DNAJC1: variants seen among roughly 807,000 people sequenced by gnomAD.
The protein encoded by DNAJC1 is DnaJ heat shock protein family (Hsp40) member C1.
A neutral mutation model predicts 76.6 loss-of-function variants in DNAJC1; 58 were observed. The ratio of observed to expected loss-of-function variants is 0.76; its 90% CI spans 0.61 to 0.94. The LOEUF (loss-of-function observed/expected upper bound fraction) is 0.94, where lower values mean the gene tolerates loss of function less well. Ranked by LOEUF, DNAJC1 falls within the 40% of genes least tolerant of loss-of-function variation. The pLI is 0.00. For missense variants in DNAJC1, 689 were observed against 677.3 expected (o/e 1.02, Z -0.19); for synonymous variants, 258 against 267.9 (o/e 0.96, Z 0.36).
At chr10:21,803,772 TG>T (rs1431925588) in intron 9 of DNAJC1, 1 of 901,280 alleles carries the variant, frequency 1.1e-6, no homozygotes, top group African/African-American at 1.8e-5. Context: ...AAAGTTATAA[TG>T]GCATTTTTTT....
At position 21,910,829 on chromosome 10, in the gene DNAJC1, A is replaced by AAGGAAAGGAGAGGAGAGGAGAGGAC. The variant is rs55739305; in HGVS notation, c.730-6218_730-6217insGTCCTCTCCTCTCCTCTCCTTTCCT. On this transcript the variant is annotated intron_variant, in intron 6 of 11. Coordinates refer to ENST00000376980, the MANE Select transcript of DNAJC1 (RefSeq NM_022365.4). The stretch of plus-strand genomic sequence containing the variant: ...AACAAGAAAAGAAAGGAAAGAAAGG[A>AAGGAAAGGAGAGGAGAGGAGAGGAC]AGGAGAGGAGAGGAGAGGAGAGGAG... Among the ~76,000 whole-genome samples the AAGGAAAGGAGAGGAGAGGAGAGGAC allele has an allele frequency of 4.9e-4, 24 of 48,926 alleles. 1 individual carries two copies. The highest frequency in any genetic ancestry group is 7.9e-3 in the Middle Eastern group (1 of 126). 32.1% of individuals were successfully genotyped at this position (48,926 alleles called of 152,430 possible).
intron 1 of DNAJC1, among the ~76,000 whole-genome samples, chr10:21,939,455 A>C (rs1415281911): frequency 6.6e-6 from 1 of 152,230 alleles, no homozygotes; most frequent in Non-Finnish European, 1.5e-5. Context: ...GACTGCATAT[A>C]TGATAGTGGT....
chr10:21,911,887 A>G (rs542566701), intron 6 of DNAJC1, among the ~76,000 whole-genome samples: 2 of 152,214 alleles, frequency 1.3e-5, no homozygotes, highest in African/African-American at 4.8e-5. Context: ...TAGGCTTTGT[A>G]TTAGATTATT....
rs114965620 is a variant in DNAJC1 at position 21,870,747 on chromosome 10, C to T, written c.978+11535G>A. 5.0e-3 allele frequency among the ~76,000 whole-genome samples: 754 copies of T among 151,996 alleles called. 19 individuals are homozygous for T. The highest frequency in any genetic ancestry group is 0.017 in the African/African-American group (708 of 41,400). ...CTATGGTGGCGCCACAGCACTCCAG[C>T]GTTGGCAACAGAGCGAGACCTCATA... On this transcript the variant is annotated intron_variant, in intron 8 of 11. Coordinates refer to ENST00000376980, the MANE Select transcript of DNAJC1 (RefSeq NM_022365.4).
intron 1 of DNAJC1, among the ~76,000 whole-genome samples, chr10:21,950,333 C>T (rs2131806714): frequency 6.6e-6 from 1 of 152,038 alleles, no homozygotes; most frequent in East Asian, 1.9e-4. Context: ...TTGATATTAC[C>T]ATTGTAATTA....
At chr10:21,882,460 C>A (rs896849191) in intron 7 of DNAJC1, 21 bp from the exon 8 acceptor site, 1 of 1,404,816 alleles carries the variant, frequency 7.1e-7, no homozygotes, top group East Asian at 2.6e-5. Context: ...TTTAAAAGAA[C>A]CAATTATTGA....
intron 9 of DNAJC1, among the ~76,000 whole-genome samples, chr10:21,794,032 T>C (rs1662238302): frequency 6.6e-6 from 1 of 152,118 alleles, no homozygotes; most frequent in African/African-American, 2.4e-5. Context: ...CCCAACACTT[T>C]GGGAGGCTGA....
At chr10:21,862,278 T>C (rs972283968) in intron 8 of DNAJC1, among the ~76,000 whole-genome samples, 2 of 152,054 alleles carry the variant, frequency 1.3e-5, no homozygotes, top group Admixed American at 6.6e-5. Context: ...GAATTCTTTG[T>C]TGTGTGAGAT....
intron 8 of DNAJC1, among the ~76,000 whole-genome samples, chr10:21,844,853 G>A (rs1159723597): frequency 6.6e-6 from 1 of 152,148 alleles, no homozygotes; most frequent in Non-Finnish European, 1.5e-5. Flanking sequence ...GGCAACATAA[G>A]AGACCCTGTC....
At position 21,914,358 on chromosome 10, in the gene DNAJC1, A is replaced by C. The variant is rs188973323; in HGVS notation, c.729+4421T>G. 6.6e-5 allele frequency among the ~76,000 whole-genome samples: 10 copies of C among 152,308 alleles called. No individual in the cohort carries two copies. The East Asian group carries it at 1.9e-3, about 29-fold the overall frequency. ...GGAGGTAATAAGGACCTTTACAAAG[A>C]AGCAAGGGGAACTATCAAAGAGATA... On this transcript the variant is annotated intron_variant, in intron 6 of 11. Transcript: ENST00000376980.
intron 9 of DNAJC1, among the ~76,000 whole-genome samples, chr10:21,773,173 T>C (rs188955524): frequency 1.3e-5 from 2 of 152,310 alleles, no homozygotes; most frequent in Admixed American, 1.3e-4. Flanking sequence ...CTTTTTTCTG[T>C]GTGCTTTAGG....
chr10:21,785,723 G>A (rs1834597028), intron 9 of DNAJC1: 1 of 152,264 alleles, frequency 6.6e-6, no homozygotes, highest in Non-Finnish European at 1.5e-5. Context: ...GTACTCTGTT[G>A]AACACAGGAA....
chr10:21,835,343 A>G (rs943579030), intron 8 of DNAJC1, among the ~76,000 whole-genome samples: 2 of 152,218 alleles, frequency 1.3e-5, no homozygotes, highest in Admixed American at 1.3e-4. Context: ...CCATCATGAA[A>G]GACCAAAGGT....
At chr10:21,914,008 A>C (rs1026571457) in intron 6 of DNAJC1, among the ~76,000 whole-genome samples, 1 of 152,080 alleles carries the variant, frequency 6.6e-6, no homozygotes, top group African/African-American at 2.4e-5. Flanking sequence ...TCATCTCTCT[A>C]AACACACACA....
chr10:21,960,539 T>G (rs1473223411), intron 1 of DNAJC1, among the ~76,000 whole-genome samples: 1 of 152,030 alleles, frequency 6.6e-6, no homozygotes, highest in South Asian at 2.1e-4. Flanking sequence ...TAGTGAGACC[T>G]TGTCCCGACA....
At chr10:21,897,446 A>G (rs1836561749) in intron 7 of DNAJC1, among the ~76,000 whole-genome samples, 1 of 152,194 alleles carries the variant, frequency 6.6e-6, no homozygotes, top group Non-Finnish European at 1.5e-5. Context: ...GGGAAACTTT[A>G]TTAACTTCAT....
In DNAJC1 at chr10:21,882,321, A is replaced by G; in HGVS notation, c.939T>C (p.Asp313=). Residue 313 remains aspartate (D), a synonymous_variant, in exon 8 of 12, where the codon GAT becomes GAC. Transcript: ENST00000376980. Reference sequence around the variant, plus strand: ...TTCGGTTCCTGTTTTCCAACCAATCATCCATTTGTTCCTCAATTTCTTCTA... The same window carrying G: ...TTCGGTTCCTGTTTTCCAACCAATCGTCCATTTGTTCCTCAATTTCTTCTA... The part of the protein sequence containing the change: ...TSIEEIEEQM[D]DWLENRNRTQ... The G allele has an allele frequency of 6.2e-7, 1 of 1,601,054 alleles. No homozygotes were observed. Among genetic ancestry groups the G allele is most frequent in the South Asian group, 1.1e-5 (1 of 87,320 alleles).
intron 1 of DNAJC1, among the ~76,000 whole-genome samples, chr10:21,981,227 T>G (rs1242777047): frequency 6.6e-6 from 1 of 152,316 alleles, no homozygotes; most frequent in African/African-American, 2.4e-5. Context: ...GAATTACATT[T>G]TTCCCTGATT....
intron 8 of DNAJC1, among the ~76,000 whole-genome samples, chr10:21,866,215 A>T (rs1201255293): frequency 6.6e-6 from 1 of 151,688 alleles, no homozygotes; most frequent in Non-Finnish European, 1.5e-5. Context: ...AATATGACAG[A>T]TCTAAAGTAG....
Sources: allele counts gnomAD v4.1 joint callset (sites outside exome capture counted in the v4.1 genomes callset), GRCh38; gene constraint gnomAD v4.1.1; transcripts MANE v1.5; gene names NCBI Gene and HGNC (gene_info 2026-07-23, HGNC 2026-07-21).